SNTG1: variants seen among roughly 807,000 people sequenced by gnomAD.
SNTG1 encodes the protein gamma-1-syntrophin.
A neutral mutation model predicts 74.7 loss-of-function variants in SNTG1; 39 were observed. The observed-to-expected ratio is 0.52, with a 90% CI of 0.40 to 0.68. The LOEUF (loss-of-function observed/expected upper bound fraction) is 0.68. Ranked by LOEUF, SNTG1 falls within the 30% of genes least tolerant of loss-of-function variation. The probability of loss-of-function intolerance (pLI) is 0.00; values close to 1 mark genes in which losing one functional copy is unlikely to be tolerated. For synonymous variants in SNTG1, 254 were observed against 217.1 expected, an observed-to-expected ratio of 1.17 and a Z score of -1.49; for missense variants, 685 against 609.5, an observed-to-expected ratio of 1.12 and a Z score of -1.30.
chr8:50,737,794 A>G (rs1200603353), intron 17 of SNTG1, among the ~76,000 whole-genome samples: 1 of 152,126 alleles, frequency 6.6e-6, no homozygotes, highest in African/African-American at 2.4e-5. Flanking sequence ...TATAAACAGA[A>G]CCAATTACAA....
intron 1 of SNTG1, among the ~76,000 whole-genome samples, chr8:50,123,331 C>T (rs1009785536): frequency 1.4e-5 from 2 of 142,356 alleles, no homozygotes; most frequent in African/African-American, 5.1e-5. Flanking sequence ...AATGCTTTTG[C>T]TGGTTTCAGT....
At chr8:50,542,098 G>A (rs184515236) in intron 11 of SNTG1, among the ~76,000 whole-genome samples, 2 of 142,724 alleles carry the variant, frequency 1.4e-5, no homozygotes, top group Admixed American at 1.4e-4. Context: ...TATGAATGTA[G>A]TATATGTATA....
intron 2 of SNTG1, among the ~76,000 whole-genome samples, chr8:50,223,626 C>T (rs1008192173): frequency 6.6e-6 from 1 of 151,928 alleles, no homozygotes; most frequent in Non-Finnish European, 1.5e-5. Flanking sequence ...TGATGAAATG[C>T]ATCACTTAGG....
At chr8:50,019,847 A>G (rs2130660491) in intron 1 of SNTG1, among the ~76,000 whole-genome samples, 1 of 152,250 alleles carries the variant, frequency 6.6e-6, no homozygotes, top group Non-Finnish European at 1.5e-5. Context: ...GTGAAACATC[A>G]TAAGCAGTGC....
rs759478255 is a variant in SNTG1 at position 50,539,506 on chromosome 8, G to GTTT, written c.680+2699_680+2700insTTT. On this transcript the variant is annotated intron_variant, in intron 11 of 18. Transcript: ENST00000642720. ...GAATTCTACTGACATAAGGAAGGAG[G>GTTT]TGGACGGATAGGTGAGGGCAACTAG... Among the ~76,000 whole-genome samples, 96 of 152,150 alleles carry GTTT rather than the reference G, an allele frequency of 6.3e-4. 3 individuals are homozygous for GTTT. Among genetic ancestry groups the GTTT allele is most frequent in the Admixed American group, 3.9e-4 (6 of 15,272 alleles).
At chr8:50,312,340 A>G (rs1267576411) in intron 2 of SNTG1, among the ~76,000 whole-genome samples, 1 of 152,168 alleles carries the variant, frequency 6.6e-6, no homozygotes, top group Non-Finnish European at 1.5e-5. Context: ...GTCTCAAAAT[A>G]ACACAGATAG....
At chr8:49,947,547 A>G (rs925511100) in intron 1 of SNTG1, among the ~76,000 whole-genome samples, 3 of 152,222 alleles carry the variant, frequency 2.0e-5, no homozygotes, top group African/African-American at 7.2e-5. Flanking sequence ...ACTTCTTCTT[A>G]AACTTAAATG....
intron 8 of SNTG1, among the ~76,000 whole-genome samples, chr8:50,467,670 C>G (rs2093619900): frequency 6.6e-6 from 1 of 151,520 alleles, no homozygotes; most frequent in Non-Finnish European, 1.5e-5. Context: ...TTGTTATTTG[C>G]TTTCTTTTTA....
intron 12 of SNTG1, among the ~76,000 whole-genome samples, chr8:50,567,841 T>C (rs1172642110): frequency 6.6e-6 from 1 of 152,168 alleles, no homozygotes; most frequent in Admixed American, 6.6e-5. Flanking sequence ...ATTTGTCATT[T>C]CTTTGTTTTA....
intron 2 of SNTG1, among the ~76,000 whole-genome samples, chr8:50,227,713 A>G (rs2085402863): frequency 6.6e-6 from 1 of 151,706 alleles, no homozygotes; most frequent in Non-Finnish European, 1.5e-5. Flanking sequence ...AAGACAAGTC[A>G]TCGGAGAAGC....
intron 2 of SNTG1, among the ~76,000 whole-genome samples, chr8:50,222,607 A>T (rs890014655): frequency 2.0e-5 from 3 of 152,102 alleles, no homozygotes; most frequent in Non-Finnish European, 2.9e-5. Flanking sequence ...TTAATTGTCC[A>T]GTTTGGGAGG....
intron 2 of SNTG1, among the ~76,000 whole-genome samples, chr8:50,281,249 C>A (rs952573962): frequency 6.6e-6 from 1 of 152,088 alleles, no homozygotes; most frequent in Non-Finnish European, 1.5e-5. Context: ...AATGTTAATG[C>A]TGGTCAGTTG....
At chr8:50,186,658 G>A (rs538494272) in intron 2 of SNTG1, among the ~76,000 whole-genome samples, 205 of 151,586 alleles carry the variant, frequency 1.4e-3, no homozygotes, top group Non-Finnish European at 2.2e-3. Context: ...GTTTGTTGGC[G>A]GCATAAATGT....
intron 15 of SNTG1, among the ~76,000 whole-genome samples, chr8:50,660,913 A>G (rs2069155898): frequency 6.6e-6 from 1 of 152,112 alleles, no homozygotes; most frequent in African/African-American, 2.4e-5. Context: ...ATTTTTTTCT[A>G]TGACAGTTAA....
At chr8:50,719,225 C>T (rs1372261725) in intron 17 of SNTG1, among the ~76,000 whole-genome samples, 1 of 152,170 alleles carries the variant, frequency 6.6e-6, no homozygotes, top group Non-Finnish European at 1.5e-5. Flanking sequence ...CCTAATACCT[C>T]ATGTGATAGC....
chr8:50,365,781 C>T (rs868237202), intron 2 of SNTG1, among the ~76,000 whole-genome samples: 13 of 152,074 alleles, frequency 8.5e-5, no homozygotes, highest in South Asian at 8.3e-4. Context: ...CCACAAATTA[C>T]GAGTGGTAAA....
chr8:49,980,811 T>G (rs764142325), intron 1 of SNTG1, among the ~76,000 whole-genome samples: 76 of 152,308 alleles, frequency 5.0e-4, no homozygotes, highest in Admixed American at 9.2e-4. Context: ...TTTTTAAGCC[T>G]TTTAGACACT....
At chr8:50,238,194 A>C (rs1179967532) in intron 2 of SNTG1, among the ~76,000 whole-genome samples, 1 of 152,294 alleles carries the variant, frequency 6.6e-6, no homozygotes. Flanking sequence ...AGCAACCCTA[A>C]GCAAAAGGAA....
At chr8:50,132,988 G>A (rs2081363200) in intron 1 of SNTG1, among the ~76,000 whole-genome samples, 1 of 152,146 alleles carries the variant, frequency 6.6e-6, no homozygotes, top group Non-Finnish European at 1.5e-5. Flanking sequence ...CCAGGACATA[G>A]TATCTTAGTA....
Sources: gnomAD v4.1 joint callset for allele counts (sites outside exome capture counted in the v4.1 genomes callset) on GRCh38, gnomAD v4.1.1 for gene constraint, MANE v1.5 for transcripts, NCBI Gene and HGNC (gene_info 2026-07-23, HGNC 2026-07-21) for gene names.